Variants in CDH13 observed in about 807,000 individuals in gnomAD.
CDH13 encodes cadherin-13.
In CDH13, 24 loss-of-function variants were observed where a neutral mutation model predicts 63.8. That is an observed-to-expected ratio of 0.38 (90% CI 0.27 to 0.53). The LOEUF (loss-of-function observed/expected upper bound fraction) is 0.53, where lower values mean the gene tolerates loss of function less well. CDH13 is among the 20% of genes least tolerant of loss of function. The pLI, the probability that CDH13 is intolerant of heterozygous loss-of-function variation, is 0.85. For missense variants in CDH13, 1,049 were observed against 903.1 expected, an observed-to-expected ratio of 1.16 and a Z score of -2.07; for synonymous variants, 503 against 355.3, an observed-to-expected ratio of 1.42 and a Z score of -4.67.
intron 1 of CDH13, among the ~76,000 whole-genome samples, chr16:82,780,303 G>C (rs1029356412): frequency 6.6e-6 from 1 of 152,204 alleles, no homozygotes. Context: ...AATGCAAGGA[G>C]GTGGAAGAGT....
chr16:83,096,488 C>G (rs2034200463), intron 3 of CDH13, among the ~76,000 whole-genome samples: 1 of 152,170 alleles, frequency 6.6e-6, no homozygotes, highest in Non-Finnish European at 1.5e-5. Context: ...AATGAAAGTG[C>G]AATTACAGAA....
chr16:83,140,374 A>C (rs548127193), intron 4 of CDH13, among the ~76,000 whole-genome samples: 200 of 152,290 alleles, frequency 1.3e-3, no homozygotes, highest in African/African-American at 4.6e-3. Context: ...GCCAACACTG[A>C]GTTTCAGGGC....
At chr16:83,626,741 G>A (rs1457558251) in intron 8 of CDH13, among the ~76,000 whole-genome samples, 2 of 152,006 alleles carry the variant, frequency 1.3e-5, no homozygotes, top group Non-Finnish European at 2.9e-5. Flanking sequence ...AAGAAGCAAC[G>A]GAGCCATGAC....
At chr16:83,038,574 G>T (rs1917066460) in intron 3 of CDH13, among the ~76,000 whole-genome samples, 1 of 152,182 alleles carries the variant, frequency 6.6e-6, no homozygotes, top group Non-Finnish European at 1.5e-5. Flanking sequence ...ACAGAATCAT[G>T]ACTTTTCCCC....
intron 6 of CDH13, among the ~76,000 whole-genome samples, chr16:83,453,078 G>A (rs1226062302): frequency 6.6e-6 from 1 of 152,204 alleles, no homozygotes. Flanking sequence ...CAGCCACCTG[G>A]ATGGGATTGG....
At chr16:82,662,464 G>A (rs946359519) in intron 1 of CDH13, among the ~76,000 whole-genome samples, 1 of 152,212 alleles carries the variant, frequency 6.6e-6, no homozygotes, top group Non-Finnish European at 1.5e-5. Context: ...AACATGAACA[G>A]AGGGTTTTCT....
In CDH13 at chr16:82,684,595, G is replaced by C. The variant is rs571526094; in HGVS notation, c.45+57458G>C. On this transcript the variant is annotated intron_variant, in intron 1 of 13. Coordinates refer to ENST00000567109, the MANE Select transcript of CDH13 (RefSeq NM_001257.5). ...TCTGGGGAGCTACCTTAATGTATGA[G>C]GACTGTTTCCAAAATATTTCTGAAA... Among the ~76,000 whole-genome samples the C allele has an allele frequency of 1.6e-3, 240 of 152,060 alleles. 2 individuals carry two copies. Among genetic ancestry groups the C allele is most frequent in the African/African-American group, 5.5e-3 (227 of 41,476 alleles).
At chr16:83,760,672 G>C (rs887679674) in intron 11 of CDH13, among the ~76,000 whole-genome samples, 2 of 152,204 alleles carry the variant, frequency 1.3e-5, no homozygotes, top group African/African-American at 4.8e-5. Context: ...CTTGTGGATG[G>C]GTTTCTTGAT....
intron 2 of CDH13, among the ~76,000 whole-genome samples, chr16:82,968,992 A>G (rs1908291889): frequency 1.3e-5 from 2 of 152,186 alleles, no homozygotes; most frequent in Admixed American, 6.5e-5. Context: ...TGGTAATCCC[A>G]GCTGCTCAGG....
intron 6 of CDH13, among the ~76,000 whole-genome samples, chr16:83,478,375 G>A (rs1006433823): frequency 6.6e-5 from 10 of 152,056 alleles, no homozygotes; most frequent in African/African-American, 2.4e-4. Context: ...TCTCACTCCT[G>A]GCCCAGCTCC....
chr16:82,633,647 G>C (rs1263718427), intron 1 of CDH13, among the ~76,000 whole-genome samples: 1 of 152,178 alleles, frequency 6.6e-6, no homozygotes, highest in Non-Finnish European at 1.5e-5. Context: ...CAAGTGCTGG[G>C]ATAAACAGAC....
Position 83,445,697 on chromosome 16 carries a change from C to T in CDH13, c.782-40780C>T, listed in dbSNP as rs533897176. The stretch of plus-strand genomic sequence containing the variant: ...GAATTCTGAATAGATGTTTTCATCA[C>T]GTGGCTAAGTAAAACTGGAATAGCT... On this transcript the variant is annotated intron_variant, in intron 6 of 13. Coordinates refer to ENST00000567109, the MANE Select transcript of CDH13 (RefSeq NM_001257.5). Among the ~76,000 whole-genome samples, 7 of 152,248 alleles carry T rather than the reference C, an allele frequency of 4.6e-5. No homozygotes were observed. The South Asian group carries it at 1.4e-3, about 32-fold the overall frequency.
At chr16:83,409,490 T>C (rs1368951790) in intron 6 of CDH13, among the ~76,000 whole-genome samples, 1 of 152,206 alleles carries the variant, frequency 6.6e-6, no homozygotes, top group Non-Finnish European at 1.5e-5. Context: ...AGGGTTTGGT[T>C]TGGGACATGT....
At chr16:83,224,776 G>A (rs188627203) in intron 5 of CDH13, among the ~76,000 whole-genome samples, 25 of 152,304 alleles carry the variant, frequency 1.6e-4, no homozygotes, top group Admixed American at 9.2e-4. Flanking sequence ...GAATGAGAGT[G>A]AGATTACAGT....
chr16:83,487,060 A>C (rs1444470323), intron 7 of CDH13, among the ~76,000 whole-genome samples: 4 of 152,042 alleles, frequency 2.6e-5, no homozygotes, highest in Non-Finnish European at 5.9e-5. Context: ...TGCAGAGTCA[A>C]ATGCCCATGA....
rs138378023 is a variant in CDH13 at position 83,128,427 on chromosome 16, G to A, written c.483+2926G>A. 3.5e-4 allele frequency among the ~76,000 whole-genome samples: 54 copies of A among 152,298 alleles called. No homozygotes were observed. The East Asian group carries it at 7.5e-3, about 21-fold the overall frequency. ...GTTTTTACACAGCTTCTAGGTGATT[G>A]TGATGCACACTCAAATTTACAGAGG... On this transcript the variant is annotated intron_variant, in intron 4 of 13. Transcript: ENST00000567109.
At chr16:83,011,061 A>C (rs1167436849) in intron 2 of CDH13, among the ~76,000 whole-genome samples, 1 of 152,182 alleles carries the variant, frequency 6.6e-6, no homozygotes, top group East Asian at 1.9e-4. Flanking sequence ...GATGGTGTGG[A>C]ACGTTTCTTC....
chr16:83,447,068 A>C (rs28376615), intron 6 of CDH13, among the ~76,000 whole-genome samples: 6,373 of 133,378 alleles, frequency 0.048, 628 homozygotes, highest in African/African-American at 0.18. Context: ...AAAAAAAAAA[A>C]AAAAAACAAA....
chr16:82,951,218 G>T (rs1457337857), intron 2 of CDH13, among the ~76,000 whole-genome samples: 2 of 152,120 alleles, frequency 1.3e-5, no homozygotes, highest in Non-Finnish European at 2.9e-5. Context: ...GAGACTGTGA[G>T]CTGGCAAGAG....
Sources: allele counts gnomAD v4.1 joint callset (sites outside exome capture counted in the v4.1 genomes callset), GRCh38; gene constraint gnomAD v4.1.1; transcripts MANE v1.5; gene names NCBI Gene and HGNC (gene_info 2026-07-23, HGNC 2026-07-21).